The following FOXP1 variants were observed in gnomAD, a reference collection of about 807,000 sequenced individuals.
FOXP1 encodes the protein forkhead box protein P1.
In FOXP1, 15 loss-of-function variants were observed where a neutral mutation model predicts 98.2. The observed-to-expected ratio is 0.15, with a 90% confidence interval of 0.10 to 0.24. The LOEUF is 0.24. Among genes scored for constraint, FOXP1 ranks in the 10% least tolerant of loss-of-function variants. The pLI, the probability that FOXP1 is intolerant of heterozygous loss-of-function variation, is 1.00. For synonymous variants in FOXP1, 371 were observed against 314.5 expected, an observed-to-expected ratio of 1.18 and a Z score of -1.90; for missense variants, 633 against 848.5, an observed-to-expected ratio of 0.75 and a Z score of 3.15.
chr3:71,421,240 G>T (rs546507765), intron 3 of FOXP1, among the ~76,000 whole-genome samples: 1 of 152,192 alleles, frequency 6.6e-6, no homozygotes, highest in South Asian at 2.1e-4. Context: ...AGAAACTACA[G>T]GGGAAAGTGA....
At chr3:70,993,688 T>G (rs1223092793) in intron 13 of FOXP1, among the ~76,000 whole-genome samples, 1 of 152,160 alleles carries the variant, frequency 6.6e-6, no homozygotes, top group African/African-American at 2.4e-5. Context: ...GATTTCCAAA[T>G]GTTATATTTT....
chr3:70,963,064 A>C (rs1275708474), intron 20 of FOXP1, among the ~76,000 whole-genome samples: 1 of 152,256 alleles, frequency 6.6e-6, no homozygotes, highest in Non-Finnish European at 1.5e-5. Context: ...AAAGCTGTAG[A>C]AGTGAAAAAA....
chr3:71,328,974 T>TAAAAAAAAAAAAAAAAAAA (rs869252301), intron 4 of FOXP1, among the ~76,000 whole-genome samples: 1 of 31,166 alleles, frequency 3.2e-5, no homozygotes, highest in East Asian at 3.5e-3. Context: ...TCCATCTCGC[T>TAAAAAAAAAAAAAAAAAAA]AAAAAAAAAA....
At chr3:71,400,029 A>G (rs2081844218) in intron 3 of FOXP1, among the ~76,000 whole-genome samples, 2 of 152,214 alleles carry the variant, frequency 1.3e-5, no homozygotes, top group African/African-American at 4.8e-5. Flanking sequence ...CAGTGTTAAT[A>G]ATTATGACCA....
chr3:71,340,042 T>A (rs1420648988), intron 4 of FOXP1, among the ~76,000 whole-genome samples: 2 of 152,192 alleles, frequency 1.3e-5, no homozygotes. Context: ...TCAAAGTAAA[T>A]ACCCTTTTAA....
intron 5 of FOXP1, among the ~76,000 whole-genome samples, chr3:71,262,746 T>C (rs567373464): frequency 2.0e-5 from 3 of 152,314 alleles, no homozygotes; most frequent in African/African-American, 7.2e-5. Flanking sequence ...CTCTGCTAAT[T>C]TGAGGCTTGA....
chr3:70,959,670 A>C (rs1313319266), intron 20 of FOXP1, among the ~76,000 whole-genome samples: 2 of 152,246 alleles, frequency 1.3e-5, no homozygotes, highest in Admixed American at 1.3e-4. Context: ...GAACATTTGC[A>C]TCACTGCGTA....
intron 3 of FOXP1, among the ~76,000 whole-genome samples, chr3:71,448,839 T>C (rs2086683426): frequency 6.6e-6 from 1 of 152,168 alleles, no homozygotes; most frequent in Non-Finnish European, 1.5e-5. Flanking sequence ...TAAGAATCCT[T>C]AGAAACCTGC....
intron 6 of FOXP1, among the ~76,000 whole-genome samples, chr3:71,120,856 G>A (rs831452): frequency 6.6e-6 from 1 of 151,888 alleles, no homozygotes. Context: ...TAAGCTACAC[G>A]TAGGGTGGTT....
At chr3:71,008,933 G>C (rs1196052099) in intron 12 of FOXP1, among the ~76,000 whole-genome samples, 1 of 151,862 alleles carries the variant, frequency 6.6e-6, no homozygotes, top group Non-Finnish European at 1.5e-5. Context: ...CCCTCTCTCT[G>C]TTAACAGTGG....
chr3:71,207,574 T>C (rs1168846634), intron 5 of FOXP1, among the ~76,000 whole-genome samples: 1 of 152,234 alleles, frequency 6.6e-6, no homozygotes, highest in Non-Finnish European at 1.5e-5. Flanking sequence ...GAGCAAGGCT[T>C]CTCTGACATA....
At chr3:71,225,696 T>C (rs1243995897) in intron 5 of FOXP1, among the ~76,000 whole-genome samples, 2 of 152,256 alleles carry the variant, frequency 1.3e-5, no homozygotes, top group African/African-American at 4.8e-5. Context: ...TCTCATCTCA[T>C]TTCTAGTTCT....
At chr3:71,130,235 G>A (rs964209032) in intron 6 of FOXP1, among the ~76,000 whole-genome samples, 4 of 152,214 alleles carry the variant, frequency 2.6e-5, no homozygotes, top group African/African-American at 2.4e-5. Context: ...GACACCACCC[G>A]GCTGCTTACT....
At chr3:71,437,876 A>G (rs1194146986) in intron 3 of FOXP1, among the ~76,000 whole-genome samples, 2 of 152,230 alleles carry the variant, frequency 1.3e-5, no homozygotes, top group Middle Eastern at 3.2e-3. Context: ...CTTGCAGACA[A>G]AAAGAAAAGC....
At chr3:71,463,276 A>G (rs2088326951) in intron 3 of FOXP1, among the ~76,000 whole-genome samples, 1 of 148,258 alleles carries the variant, frequency 6.7e-6, no homozygotes, top group Non-Finnish European at 1.5e-5. Flanking sequence ...AGGCACGAGA[A>G]TTGCTTGAAC....
intron 3 of FOXP1, among the ~76,000 whole-genome samples, chr3:71,482,287 T>A (rs1001845635): frequency 5.3e-5 from 8 of 152,102 alleles, no homozygotes; most frequent in African/African-American, 1.9e-4. Context: ...AGCAATATCA[T>A]CTGAGAAGCC....
rs1029119948 is a variant in FOXP1 at position 70,957,780 on chromosome 3, A to G, written c.*1467T>C. The G allele has an allele frequency of 6.0e-5, 14 of 233,950 alleles. No homozygotes were observed. The highest frequency in any genetic ancestry group is 1.0e-4 in the Non-Finnish European group (12 of 118,318). 14.5% of individuals were successfully genotyped at this position (233,950 alleles called of 1,614,324 possible). A position where few individuals can be genotyped will look rare whatever the true frequency, so the allele number is the denominator to read the frequency against. On this transcript the variant is annotated 3_prime_UTR_variant, in exon 21 of 21. Coordinates refer to ENST00000649528, the MANE Select transcript of FOXP1 (RefSeq NM_001349338.3). The stretch of plus-strand genomic sequence containing the variant: ...TACTGGGTTGGTGATATAATATTGC[A>G]TAACAAACTGCAGTACCAAATTTGC...
chr3:71,216,385 G>C (rs1461846160), intron 5 of FOXP1, among the ~76,000 whole-genome samples: 1 of 151,122 alleles, frequency 6.6e-6, no homozygotes, highest in Non-Finnish European at 1.5e-5. Flanking sequence ...ATTTGTGATG[G>C]GAGAATTCTG....
At chr3:71,049,316 A>G (rs1022054684) in intron 9 of FOXP1, among the ~76,000 whole-genome samples, 1 of 151,940 alleles carries the variant, frequency 6.6e-6, no homozygotes, top group African/African-American at 2.4e-5. Flanking sequence ...AGCCTACCTC[A>G]CCCGCACAGG....
Sources: allele counts gnomAD v4.1 joint callset (sites outside exome capture counted in the v4.1 genomes callset), GRCh38; gene constraint gnomAD v4.1.1; transcripts MANE v1.5; gene names NCBI Gene and HGNC (gene_info 2026-07-23, HGNC 2026-07-21).